The following KCNAB1 variants were observed in gnomAD, a reference collection of about 807,000 sequenced individuals.
The protein encoded by KCNAB1 is voltage-gated potassium channel subunit beta-1.
KCNAB1 carries 35 observed loss-of-function variants against 64.6 expected under a neutral mutation model. That is an observed-to-expected ratio of 0.54 (90% CI 0.41 to 0.72). The LOEUF (loss-of-function observed/expected upper bound fraction) is 0.72. KCNAB1 is among the 30% of genes least tolerant of loss of function. The pLI is 0.00. For synonymous variants in KCNAB1, 177 were observed against 183.8 expected, an observed-to-expected ratio of 0.96 and a Z score of 0.30; for missense variants, 401 against 512.9, an observed-to-expected ratio of 0.78 and a Z score of 2.11.
chr3:156,296,001 A>T (rs1720750932), intron 1 of KCNAB1, among the ~76,000 whole-genome samples: 1 of 152,208 alleles, frequency 6.6e-6, no homozygotes, highest in Non-Finnish European at 1.5e-5. Flanking sequence ...CAAACTCTTC[A>T]TCATTTCACT....
chr3:156,238,373 G>T (rs890596924), intron 1 of KCNAB1, among the ~76,000 whole-genome samples: 7 of 136,634 alleles, frequency 5.1e-5, no homozygotes, highest in Non-Finnish European at 9.1e-5. Context: ...AGTGAGCCGA[G>T]ATCACGCCAC....
At chr3:156,351,269 A>G (rs1397640292) in intron 1 of KCNAB1, among the ~76,000 whole-genome samples, 1 of 152,240 alleles carries the variant, frequency 6.6e-6, no homozygotes, top group Non-Finnish European at 1.5e-5. Flanking sequence ...AGTGAACAAA[A>G]GAGTTGGGGC....
chr3:156,142,213 T>G (rs1714747751), intron 1 of KCNAB1, among the ~76,000 whole-genome samples: 1 of 152,214 alleles, frequency 6.6e-6, no homozygotes, highest in Non-Finnish European at 1.5e-5. Context: ...CTTTTTAAAA[T>G]CCCCTTCACG....
At chr3:156,484,188 C>G (rs974910623) in intron 8 of KCNAB1, among the ~76,000 whole-genome samples, 2 of 151,896 alleles carry the variant, frequency 1.3e-5, no homozygotes, top group Non-Finnish European at 2.9e-5. Context: ...TACTCAACAG[C>G]GAAGGCAGAA....
At chr3:156,491,907 A>G (rs1188053962) in intron 8 of KCNAB1, among the ~76,000 whole-genome samples, 7 of 152,162 alleles carry the variant, frequency 4.6e-5, no homozygotes, top group Admixed American at 6.6e-5. Context: ...TGTCCTGATT[A>G]GCACTGCATA....
intron 1 of KCNAB1, among the ~76,000 whole-genome samples, chr3:156,417,329 A>AT: frequency 6.6e-6 from 1 of 152,336 alleles, no homozygotes; most frequent in Non-Finnish European, 1.5e-5. Context: ...CAAATGATGT[A>AT]ATTCTCTGAC....
chr3:156,520,259 C>T (rs1419779496), intron 11 of KCNAB1, among the ~76,000 whole-genome samples: 2 of 152,156 alleles, frequency 1.3e-5, no homozygotes, highest in African/African-American at 4.8e-5. Flanking sequence ...ATTGGCAGCT[C>T]CTCCCTGTTG....
chr3:156,189,702 A>G (rs970453274), intron 1 of KCNAB1, among the ~76,000 whole-genome samples: 2 of 150,464 alleles, frequency 1.3e-5, no homozygotes, highest in African/African-American at 5.0e-5. Flanking sequence ...TATTCTTTTC[A>G]GTAATCGTCA....
chr3:156,197,372 A>G (rs1469479702), intron 1 of KCNAB1, among the ~76,000 whole-genome samples: 1 of 152,196 alleles, frequency 6.6e-6, no homozygotes, highest in Non-Finnish European at 1.5e-5. Flanking sequence ...GAATGGTTTC[A>G]GAACGAATGC....
intron 1 of KCNAB1, among the ~76,000 whole-genome samples, chr3:156,394,476 G>A (rs1265134512): frequency 6.6e-6 from 1 of 152,184 alleles, no homozygotes; most frequent in Admixed American, 6.5e-5. Flanking sequence ...CAGAGGAGAG[G>A]TGAACAAGGA....
At chr3:156,228,807 A>T (rs1297797469) in intron 1 of KCNAB1, among the ~76,000 whole-genome samples, 1 of 152,080 alleles carries the variant, frequency 6.6e-6, no homozygotes, top group African/African-American at 2.4e-5. Context: ...TGACCACCCT[A>T]TTTCTCCTTC....
chr3:156,532,661 T>C (rs1397905768), intron 13 of KCNAB1, among the ~76,000 whole-genome samples: 1 of 152,220 alleles, frequency 6.6e-6, no homozygotes, highest in Admixed American at 6.5e-5. Context: ...TTCTTAGGAC[T>C]GTGCAGCCGT....
intron 8 of KCNAB1, among the ~76,000 whole-genome samples, chr3:156,510,070 C>A (rs1717100123): frequency 1.3e-5 from 2 of 152,226 alleles, no homozygotes; most frequent in African/African-American, 4.8e-5. Context: ...TTTCTCCCTG[C>A]TTTTGATGTT....
chr3:156,447,940 A>T (rs1216635523), intron 2 of KCNAB1, among the ~76,000 whole-genome samples: 1 of 152,208 alleles, frequency 6.6e-6, no homozygotes, highest in East Asian at 1.9e-4. Context: ...AATGGTAAAC[A>T]TGTTTTTTGA....
At chr3:156,360,717 C>A (rs550694400) in intron 1 of KCNAB1, among the ~76,000 whole-genome samples, 1 of 151,092 alleles carries the variant, frequency 6.6e-6, no homozygotes, top group African/African-American at 2.4e-5. Context: ...CTGTTTCTCT[C>A]CCTCTATTTA....
intron 1 of KCNAB1, among the ~76,000 whole-genome samples, chr3:156,261,832 C>T (rs983682962): frequency 6.6e-6 from 1 of 151,926 alleles, no homozygotes; most frequent in Non-Finnish European, 1.5e-5. Flanking sequence ...GGAGAATTTG[C>T]CATCTTGACA....
chr3:156,246,877 T>C (rs1717488423), intron 1 of KCNAB1, among the ~76,000 whole-genome samples: 3 of 152,188 alleles, frequency 2.0e-5, no homozygotes, highest in Non-Finnish European at 4.4e-5. Flanking sequence ...GGAACTTTTT[T>C]TGTGTAAGTG....
intron 1 of KCNAB1, among the ~76,000 whole-genome samples, chr3:156,406,418 A>C (rs1041363726): frequency 6.6e-6 from 1 of 152,140 alleles, no homozygotes; most frequent in Admixed American, 6.5e-5. Flanking sequence ...CACACAAAGA[A>C]CCATGAGAAG....
intron 1 of KCNAB1, chr3:156,175,946 G>T: frequency 1.0e-6 from 1 of 981,930 alleles, no homozygotes; most frequent in Non-Finnish European, 1.6e-6. Context: ...GAGCCAGCAT[G>T]GCCGGGCAGC....
Sources: allele counts gnomAD v4.1 joint callset (sites outside exome capture counted in the v4.1 genomes callset), GRCh38; gene constraint gnomAD v4.1.1; transcripts MANE v1.5; gene names NCBI Gene and HGNC (gene_info 2026-07-23, HGNC 2026-07-21).